Variants in MRPL35 observed in about 807,000 individuals in gnomAD.
MRPL35 encodes the protein mitochondrial ribosomal protein L35.
Under a neutral mutation model 21.6 loss-of-function variants are expected in MRPL35, and 18 were observed. That is an observed-to-expected ratio of 0.83 (90% CI 0.58 to 1.24). MRPL35 has a LOEUF of 1.24. MRPL35 is among the 50% of genes most tolerant of loss of function. The probability of loss-of-function intolerance (pLI) is 0.00; values close to 1 mark genes in which losing one functional copy is unlikely to be tolerated. For missense variants in MRPL35, 223 were observed against 223.2 expected (o/e 1.00, Z 0.01); for synonymous variants, 87 against 86.9 (o/e 1.00, Z -0.01).
At chr2:86,201,781 A>G (rs1673690420) in intron 1 of MRPL35, among the ~76,000 whole-genome samples, 1 of 151,786 alleles carries the variant, frequency 6.6e-6, no homozygotes, top group South Asian at 2.1e-4. Flanking sequence ...AATCTTGAAG[A>G]CTCCTGGTTT....
chr2:86,204,659 C>CT (rs1480230271), intron 1 of MRPL35, among the ~76,000 whole-genome samples: 1 of 152,130 alleles, frequency 6.6e-6, no homozygotes, highest in Non-Finnish European at 1.5e-5. Context: ...GACCACACAT[C>CT]TAGGCTCTCT....
intron 1 of MRPL35, among the ~76,000 whole-genome samples, chr2:86,200,960 C>A (rs892477223): frequency 6.6e-6 from 1 of 152,176 alleles, no homozygotes; most frequent in African/African-American, 2.4e-5. Context: ...GCCACCCTGC[C>A]CGGCCTGCTG....
At chr2:86,202,772 ACCTCTG>A (rs1673711232) in intron 1 of MRPL35, among the ~76,000 whole-genome samples, 1 of 151,852 alleles carries the variant, frequency 6.6e-6, no homozygotes, top group Non-Finnish European at 1.5e-5. Flanking sequence ...GCTCACTGCA[ACCTCTG>A]CCTCCTGAGT....
chr2:86,213,018 A>G lies in MRPL35; in HGVS notation c.*2350A>G, dbSNP rs1673941339. ...CAGTCTTACAAAGGACATAATGATT[A>G]GTTAAGCCCTAATTTAGATTTGAGG... On this transcript the variant is annotated 3_prime_UTR_variant, in exon 4 of 4. Coordinates refer to ENST00000337109, the MANE Select transcript of MRPL35 (RefSeq NM_016622.4). The G allele has an allele frequency of 2.5e-6, 2 of 794,704 alleles. No individual in the cohort carries two copies. Among genetic ancestry groups the G allele is most frequent in the Middle Eastern group, 6.3e-4 (1 of 1,590 alleles). 49.2% of individuals were successfully genotyped at this position (794,704 alleles called of 1,614,324 possible).
At position 86,202,957 on chromosome 2, in the gene MRPL35, G is replaced by T. The variant is rs1421494695; in HGVS notation, c.44-3149G>T. Among the ~76,000 whole-genome samples, 4 of 151,864 alleles carry T rather than the reference G, an allele frequency of 2.6e-5. No individual in the cohort carries two copies. The East Asian group carries it at 7.8e-4, about 29-fold the overall frequency. ...CGCCGGGGCCTCCCAAAGTGTTGGG[G>T]TTACAGGGGTGAGCTACCACACCTG... On this transcript the variant is annotated intron_variant, in intron 1 of 3. Coordinates refer to ENST00000337109, the MANE Select transcript of MRPL35 (RefSeq NM_016622.4).
chr2:86,210,391 C>G, intron 3 of MRPL35, 89 bp from the exon 4 acceptor site: 23 of 888,376 alleles, frequency 2.6e-5, no homozygotes, highest in East Asian at 6.0e-5. Context: ...GGTTTTTGTT[C>G]TTATTGGGTC....
intron 1 of MRPL35, among the ~76,000 whole-genome samples, chr2:86,205,858 A>G (rs1673778301): frequency 6.6e-6 from 1 of 152,226 alleles, no homozygotes; most frequent in Non-Finnish European, 1.5e-5. Context: ...GCTAGCAGAC[A>G]TCCGACTTGG....
At position 86,210,589 on chromosome 2, in the gene MRPL35, C is replaced by G; in HGVS notation, c.488C>G (p.Thr163Arg). ...AGTAAACTCTTAGATAAAATGACGACGTCCTTCTGGAAGAGGCGAAACTGG... is the reference window on the plus strand; with the variant it reads ...AGTAAACTCTTAGATAAAATGACGAGGTCCTTCTGGAAGAGGCGAAACTGG... ...TQSKLLDKMT[T>R]SFWKRRNWYV... is the part of the protein sequence containing the mutation. The change falls in exon 4 of 4, where the codon ACG becomes AGG. Residue 163 changes from threonine (T) to arginine (R), a missense_variant. By Grantham distance (71) the Thr-to-Arg change is moderately conservative (BLOSUM62 -1). Transcript: ENST00000337109. 1 of 1,613,866 alleles carries G rather than the reference C, an allele frequency of 6.2e-7. No homozygotes were observed. Among genetic ancestry groups the G allele is most frequent in the African/African-American group, 1.3e-5 (1 of 75,026 alleles).
At chr2:86,207,119 A>G in intron 2 of MRPL35, 64 bp from the exon 3 acceptor site, 1 of 1,456,454 alleles carries the variant, frequency 6.9e-7, no homozygotes, top group Middle Eastern at 2.3e-4. Flanking sequence ...CTCAGTATAG[A>G]TAATGAATTT....
At chr2:86,205,648 T>G (rs557749930) in intron 1 of MRPL35, among the ~76,000 whole-genome samples, 3 of 152,356 alleles carry the variant, frequency 2.0e-5, no homozygotes, top group African/African-American at 7.2e-5. Context: ...CCTGCTCACT[T>G]TCTAGAGAAC....
In MRPL35 at chr2:86,211,533, G is replaced by T. The variant is rs1673902389; in HGVS notation, c.*865G>T. On this transcript the variant is annotated 3_prime_UTR_variant, in exon 4 of 4. Transcript: ENST00000337109. ...ACATCTAACACACCAGGTTCATTGT[G>T]TTCATAACACTTGTCATTTACTGTA... 1.0e-6 allele frequency: 1 copy of T among 985,316 alleles called. No homozygotes were observed. Among genetic ancestry groups the T allele is most frequent in the Admixed American group, 6.2e-5 (1 of 16,256 alleles). 61.0% of individuals were successfully genotyped at this position (985,316 alleles called of 1,614,324 possible). A position where few individuals can be genotyped will look rare whatever the true frequency, so the allele number is the denominator to read the frequency against.
chr2:86,200,956 C>G (rs1353382274), intron 1 of MRPL35, among the ~76,000 whole-genome samples: 1 of 152,104 alleles, frequency 6.6e-6, no homozygotes, highest in African/African-American at 2.4e-5. Context: ...GTGAGCCACC[C>G]TGCCCGGCCT....
chr2:86,203,063 A>G (rs1673721027), intron 1 of MRPL35, among the ~76,000 whole-genome samples: 1 of 148,490 alleles, frequency 6.7e-6, no homozygotes, highest in Non-Finnish European at 1.5e-5. Context: ...CCAACATGAC[A>G]CCACAAGTGG....
rs1282447885 is a variant in MRPL35, at chr2:86,210,593, C to T, written c.492C>T (p.Ser164=). 5.0e-6 allele frequency: 8 copies of T among 1,613,826 alleles called. No homozygotes were observed. The highest frequency in any genetic ancestry group is 1.7e-6 in the Non-Finnish European group (2 of 1,179,846). ...AACTCTTAGATAAAATGACGACGTC[C>T]TTCTGGAAGAGGCGAAACTGGTACG... ...QSKLLDKMTT[S]FWKRRNWYVD... Residue 164 remains serine (S), a synonymous_variant, in exon 4 of 4, where the codon TCC becomes TCT. Coordinates refer to ENST00000337109, the MANE Select transcript of MRPL35 (RefSeq NM_016622.4).
Position 86,212,586 on chromosome 2 carries a change from G to A in MRPL35, c.*1918G>A. 3 of 1,477,774 alleles carry A rather than the reference G, an allele frequency of 2.0e-6. No homozygotes were observed. The highest frequency in any genetic ancestry group is 2.7e-6 in the Non-Finnish European group (3 of 1,115,746). 91.5% of individuals were successfully genotyped at this position (1,477,774 alleles called of 1,614,324 possible). ...CCATGATGTCTTTATTGCAAATATG[G>A]ATGACAAGGGTCTCTGTTACAGGGG... On this transcript the variant is annotated 3_prime_UTR_variant, in exon 4 of 4. Transcript: ENST00000337109.
Position 86,199,503 on chromosome 2 carries a change from G to T in MRPL35, c.13G>T (p.Ala5Ser), listed in dbSNP as rs761414859. 2 of 1,614,194 alleles carry T rather than the reference G, an allele frequency of 1.2e-6. No homozygotes were observed. The highest frequency in any genetic ancestry group is 1.7e-6 in the Non-Finnish European group (2 of 1,180,042). MAAS[A>S]FAGAVRAASG... Reference sequence around the variant, plus strand: ...GGCGAAGGTGAAGATGGCTGCCTCTGCCTTTGCTGGTGCAGTGAGAGCAGC... The same window carrying T: ...GGCGAAGGTGAAGATGGCTGCCTCTTCCTTTGCTGGTGCAGTGAGAGCAGC... Residue 5 changes from alanine to serine, a missense_variant, in exon 1 of 4, where the codon GCC becomes TCC. Transcript: ENST00000337109.
rs774148231 is a variant in MRPL35 at position 86,207,255 on chromosome 2, C to T, written c.306C>T (p.Gly102=). The T allele has an allele frequency of 1.9e-6, 3 of 1,613,882 alleles. No homozygotes were observed. Among genetic ancestry groups the T allele is most frequent in the Middle Eastern group, 1.6e-4 (1 of 6,084 alleles). ...RSLTYFSARK[G]KRKTVKAVID... is the part of the protein sequence containing the mutation. Reference sequence around the variant, plus strand: ...TAACATACTTCAGTGCAAGAAAAGGCAAGAGAAAGACCGTGAAAGCTGTCA... The same window carrying T: ...TAACATACTTCAGTGCAAGAAAAGGTAAGAGAAAGACCGTGAAAGCTGTCA... The change falls in exon 3 of 4, where the codon GGC becomes GGT. Residue 102 remains glycine, a synonymous_variant. Coordinates refer to ENST00000337109, the MANE Select transcript of MRPL35 (RefSeq NM_016622.4).
chr2:86,200,034 C>A (rs1673656855), intron 1 of MRPL35, among the ~76,000 whole-genome samples: 1 of 152,110 alleles, frequency 6.6e-6, no homozygotes, highest in Admixed American at 6.6e-5. Flanking sequence ...TTAACTACAG[C>A]CCCCGGCACA....
At chr2:86,207,612 C>T (rs971821817) in intron 3 of MRPL35, among the ~76,000 whole-genome samples, 15 of 150,338 alleles carry the variant, frequency 1.0e-4, no homozygotes, top group African/African-American at 1.5e-4. Context: ...CCAGCCTGGG[C>T]GACAGAGCGA....
Sources: allele counts gnomAD v4.1 joint callset (sites outside exome capture counted in the v4.1 genomes callset), GRCh38; gene constraint gnomAD v4.1.1; transcripts MANE v1.5; gene names NCBI Gene and HGNC (gene_info 2026-07-23, HGNC 2026-07-21).